CXCL13: variants seen among roughly 807,000 people sequenced by gnomAD.
CXCL13 encodes the protein C-X-C motif chemokine 13.
A neutral mutation model predicts 12.2 loss-of-function variants in CXCL13; 7 were observed. The ratio of observed to expected loss-of-function variants is 0.57; its 90% CI spans 0.33 to 1.07. CXCL13 has a LOEUF of 1.07. Ranked by LOEUF, CXCL13 falls within the 50% of genes least tolerant of loss-of-function variation. The pLI is 0.04. For missense variants in CXCL13, 113 were observed against 127.4 expected, an observed-to-expected ratio of 0.89 and a Z score of 0.55; for synonymous variants, 47 against 42.4, an observed-to-expected ratio of 1.11 and a Z score of -0.42.
At chr4:77,526,472 A>G (rs950155368) in intron 1 of CXCL13, among the ~76,000 whole-genome samples, 1 of 152,040 alleles carries the variant, frequency 6.6e-6, no homozygotes, top group Non-Finnish European at 1.5e-5. Context: ...TAACAATACT[A>G]GATAATATTA....
chr4:77,567,389 T>A (rs1725965031), intron 1 of CXCL13, among the ~76,000 whole-genome samples: 1 of 152,182 alleles, frequency 6.6e-6, no homozygotes, highest in Admixed American at 6.5e-5. Context: ...CCAAGACATG[T>A]CCCAAATCTT....
intron 1 of CXCL13, among the ~76,000 whole-genome samples, chr4:77,578,334 G>A (rs1027702631): frequency 2.0e-5 from 3 of 152,198 alleles, no homozygotes; most frequent in African/African-American, 7.2e-5. Flanking sequence ...CCCTCTGAGG[G>A]AGCTCTGACT....
intron 1 of CXCL13, among the ~76,000 whole-genome samples, chr4:77,530,351 G>C (rs1220415482): frequency 6.6e-6 from 1 of 152,194 alleles, no homozygotes; most frequent in East Asian, 1.9e-4. Context: ...GGAAGGAATG[G>C]TACCAGCTCC....
At chr4:77,528,908 T>C (rs1434143138) in intron 1 of CXCL13, among the ~76,000 whole-genome samples, 5 of 152,244 alleles carry the variant, frequency 3.3e-5, no homozygotes, top group Non-Finnish European at 7.3e-5. Flanking sequence ...TTAAATGGTT[T>C]CAGGTCTAAC....
chr4:77,529,683 G>A lies in CXCL13; in HGVS notation c.-43+17895G>A, dbSNP rs185604473. Reference sequence around the variant, plus strand: ...GCTTAAGGAGATTTTGGGCAGCGACGATGGGGTTTTCTAGATATAGAATCA... The same window carrying A: ...GCTTAAGGAGATTTTGGGCAGCGACAATGGGGTTTTCTAGATATAGAATCA... On this transcript the variant is annotated intron_variant, in intron 1 of 4. Coordinates refer to the CXCL13 transcript ENST00000286758. 3.3e-4 allele frequency among the ~76,000 whole-genome samples: 51 copies of A among 152,286 alleles called. 1 individual carries two copies. Among genetic ancestry groups the A allele is most frequent in the African/African-American group, 1.2e-3 (48 of 41,564 alleles).
At chr4:77,552,177 G>A (rs577269746) in intron 1 of CXCL13, among the ~76,000 whole-genome samples, 1 of 152,172 alleles carries the variant, frequency 6.6e-6, no homozygotes, top group Non-Finnish European at 1.5e-5. Context: ...CAGAATTCTT[G>A]TGTCAGTTCC....
intron 1 of CXCL13, among the ~76,000 whole-genome samples, chr4:77,519,310 TTC>T (rs1226994929): frequency 6.6e-6 from 1 of 152,158 alleles, no homozygotes; most frequent in Non-Finnish European, 1.5e-5. Flanking sequence ...AGAACCACTG[TTC>T]TCTTCAAAGC....
chr4:77,568,943 GA>G (rs1726002114), intron 1 of CXCL13, among the ~76,000 whole-genome samples: 1 of 152,148 alleles, frequency 6.6e-6, no homozygotes, highest in Non-Finnish European at 1.5e-5. Flanking sequence ...ATTTGCAGGG[GA>G]AAATAGCTGG....
chr4:77,546,231 A>G (rs1725359893), intron 1 of CXCL13, among the ~76,000 whole-genome samples: 3 of 152,140 alleles, frequency 2.0e-5, no homozygotes, highest in Non-Finnish European at 4.4e-5. Context: ...TGTCTCTGCC[A>G]GGCTTTGTTA....
upstream of CXCL13, among the ~76,000 whole-genome samples, chr4:77,605,014 G>A (rs1205823328): frequency 6.6e-6 from 1 of 152,108 alleles, no homozygotes; most frequent in Non-Finnish European, 1.5e-5. Flanking sequence ...TAGTTGGTGG[G>A]ATCAAAACCT....
chr4:77,544,354 C>G (rs921115325), intron 1 of CXCL13, among the ~76,000 whole-genome samples: 3 of 152,114 alleles, frequency 2.0e-5, no homozygotes, highest in Non-Finnish European at 4.4e-5. Flanking sequence ...CTAGTTTAGA[C>G]TCCCACCAAC....
At chr4:77,605,291 G>A (rs1726974585), upstream of CXCL13, among the ~76,000 whole-genome samples, 1 of 152,132 alleles carries the variant, frequency 6.6e-6, no homozygotes, top group Non-Finnish European at 1.5e-5. Context: ...AATAAGAGAT[G>A]GAAAAGACTG....
At chr4:77,605,332 G>T (rs1726975204), upstream of CXCL13, among the ~76,000 whole-genome samples, 1 of 152,132 alleles carries the variant, frequency 6.6e-6, no homozygotes, top group South Asian at 2.1e-4. Context: ...ATCAGCGTTA[G>T]GATCTGTATA....
chr4:77,595,645 A>G (rs985132359), intron 1 of CXCL13, among the ~76,000 whole-genome samples: 1 of 152,028 alleles, frequency 6.6e-6, no homozygotes, highest in African/African-American at 2.4e-5. Context: ...ACTTTGTCCT[A>G]CTTGCCTATA....
rs1009874931 is a variant in CXCL13, at chr4:77,566,795, A to G, written c.-42-39029A>G. Among the ~76,000 whole-genome samples, 4 of 152,204 alleles carry G rather than the reference A, an allele frequency of 2.6e-5. No homozygotes were observed. In the East Asian group the frequency reaches 7.7e-4, roughly 29 times the overall value. On this transcript the variant is annotated intron_variant, in intron 1 of 4. Coordinates refer to the CXCL13 transcript ENST00000286758. Reference sequence around the variant, plus strand: ...TATTAACCAATCACTACAAAACGTAACAACACAACCTTAAGAATGGTTTTA... The same window carrying G: ...TATTAACCAATCACTACAAAACGTAGCAACACAACCTTAAGAATGGTTTTA...
chr4:77,604,200 G>A (rs1201709798), upstream of CXCL13, among the ~76,000 whole-genome samples: 2 of 152,114 alleles, frequency 1.3e-5, no homozygotes, highest in Non-Finnish European at 1.5e-5. Flanking sequence ...GAGCACGGTT[G>A]GGGTAGAAGA....
intron 1 of CXCL13, 137 bp from the exon 2 acceptor site, chr4:77,607,566 C>G: frequency 1.4e-6 from 1 of 707,024 alleles, no homozygotes; most frequent in Non-Finnish European, 2.3e-6. Context: ...AATATACAAA[C>G]TAAAGACATA....
At chr4:77,591,728 G>A (rs1195689971) in intron 1 of CXCL13, among the ~76,000 whole-genome samples, 1 of 152,092 alleles carries the variant, frequency 6.6e-6, no homozygotes, top group Non-Finnish European at 1.5e-5. Flanking sequence ...TCAGCCAACA[G>A]GACCCAGGCC....
At chr4:77,530,635 T>A (rs1298228966) in intron 1 of CXCL13, among the ~76,000 whole-genome samples, 1 of 152,208 alleles carries the variant, frequency 6.6e-6, no homozygotes, top group Non-Finnish European at 1.5e-5. Flanking sequence ...CTTTAACATT[T>A]TTTATTGCAT....
Sources: allele counts gnomAD v4.1 joint callset (sites outside exome capture counted in the v4.1 genomes callset), GRCh38; gene constraint gnomAD v4.1.1; transcripts MANE v1.5; gene names NCBI Gene and HGNC (gene_info 2026-07-23, HGNC 2026-07-21).